Variants in CST3 observed in about 807,000 individuals in gnomAD.
CST3 encodes the protein cystatin C.
A neutral mutation model predicts 9.0 loss-of-function variants in CST3; 14 were observed. The observed-to-expected ratio is 1.56, with a 90% CI of 1.03 to 2.44. CST3 has a LOEUF of 2.44. CST3 is among the 30% of genes most tolerant of loss of function. CST3 has a pLI of 0.00. For missense variants in CST3, 237 were observed against 204.3 expected (o/e 1.16, Z -0.98); for synonymous variants, 96 against 90.2 (o/e 1.06, Z -0.37).
chr20:23,630,816 A>G (rs535872726), downstream of CST3, among the ~76,000 whole-genome samples: 1 of 152,192 alleles, frequency 6.6e-6, no homozygotes, highest in Non-Finnish European at 1.5e-5. Context: ...CTATTGAACT[A>G]TTAACTAGTC....
intron 2 of CST3, among the ~76,000 whole-genome samples, chr20:23,634,925 A>T (rs970782420): frequency 2.0e-5 from 3 of 151,456 alleles, no homozygotes; most frequent in Non-Finnish European, 4.4e-5. Context: ...CTCATAATAC[A>T]GCATGTATGT....
chr20:23,629,932 C>T (rs565067213), downstream of CST3, among the ~76,000 whole-genome samples: 5 of 152,280 alleles, frequency 3.3e-5, no homozygotes, highest in Admixed American at 1.3e-4. Flanking sequence ...AAGGAATTTC[C>T]GTTTGCTTTT....
exon 4 of CST3, chr20:23,628,318 TAA>T (rs1979326750): frequency 6.6e-6 from 1 of 152,214 alleles, no homozygotes; most frequent in Non-Finnish European, 1.5e-5. Context: ...TATATCTCAA[TAA>T]GGGAAGTTAC....
At chr20:23,632,380 C>T (rs1979480969), downstream of CST3, 1 of 152,410 alleles carries the variant, frequency 6.6e-6, no homozygotes, top group South Asian at 2.1e-4. Context: ...ACCACCACTT[C>T]TATCCCCCAA....
intron 2 of CST3, 76 bp downstream of exon 2, chr20:23,635,178 T>TGCATC (rs2122474162): frequency 8.4e-7 from 1 of 1,195,550 alleles, no homozygotes; most frequent in East Asian, 2.4e-5. Flanking sequence ...GCAGAACATG[T>TGCATC]GCATCACACA....
At position 23,637,595 on chromosome 20, in the gene CST3, G is replaced by C. The variant is rs1336040042; in HGVS notation, c.243+25C>G. The C allele has an allele frequency of 8.7e-6, 13 of 1,498,054 alleles. No individual in the cohort carries two copies. The Middle Eastern group carries it at 2.1e-3, about 245-fold the overall frequency. 92.8% of individuals were successfully genotyped at this position (1,498,054 alleles called of 1,614,324 possible). Reference sequence around the variant, plus strand: ...GCTGGGACGGCGGGGCCGGGGCTTCGGACCCTGCGGGGGGCGGCACGCACC... The same window carrying C: ...GCTGGGACGGCGGGGCCGGGGCTTCCGACCCTGCGGGGGGCGGCACGCACC... On this transcript the variant is annotated intron_variant, in intron 1 of 2. Coordinates refer to ENST00000376925, the MANE Select transcript of CST3 (RefSeq NM_000099.4).
At chr20:23,637,313 G>C (rs1411369756) in intron 1 of CST3, among the ~76,000 whole-genome samples, 2 of 152,258 alleles carry the variant, frequency 1.3e-5, no homozygotes, top group South Asian at 2.1e-4. Context: ...CAGGAGGTCG[G>C]GACAGAGCTG....
At chr20:23,630,099 CTAAT>C (rs1209062402), downstream of CST3, among the ~76,000 whole-genome samples, 1 of 152,184 alleles carries the variant, frequency 6.6e-6, no homozygotes, top group Non-Finnish European at 1.5e-5. Flanking sequence ...GACCAGGACT[CTAAT>C]TGAGTTATAG....
Position 23,637,628 on chromosome 20 carries a change from G to T in CST3, c.235C>A (p.Arg79Ser), listed in dbSNP as rs574152075. Residue 79 changes from arginine to serine, a missense_variant, in exon 1 of 3, where the codon CGC (arginine) becomes AGC (serine). Arg to Ser is a moderately radical substitution (Grantham distance 110, BLOSUM62 -1). Coordinates refer to ENST00000376925, the MANE Select transcript of CST3 (RefSeq NM_000099.4). ...CGGGGGGCGGCACGCACCTGCTTGC[G>T]GGCGCGCACCACCTGCAGCGCGCGG... ...HSRALQVVRA[R>S]KQIVAGVNYF... 1.0e-4 allele frequency: 154 copies of T among 1,519,716 alleles called. 2 individuals are homozygous for T. In the East Asian group the frequency reaches 2.9e-3, roughly 29 times the overall value. The allele number at this position is 1,519,716 out of a possible 1,614,324, so 94.1% of individuals were successfully genotyped here.
Position 23,637,646 on chromosome 20 carries a change from G to A in CST3, c.217C>T (p.Leu73=), listed in dbSNP as rs111341893. The change falls in exon 1 of 3, where the codon CTG becomes TTG. Residue 73 remains leucine, a synonymous_variant. Coordinates refer to ENST00000376925, the MANE Select transcript of CST3 (RefSeq NM_000099.4). ...TGCTTGCGGGCGCGCACCACCTGCA[G>A]CGCGCGGCTGTGGTACATGTCGTTG... ...ASNDMYHSRA[L]QVVRARKQIV... The A allele has an allele frequency of 1.2e-5, 18 of 1,527,106 alleles. No individual in the cohort carries two copies. Among genetic ancestry groups the A allele is most frequent in the Non-Finnish European group, 1.6e-5 (18 of 1,138,118 alleles). 94.6% of individuals were successfully genotyped at this position (1,527,106 alleles called of 1,614,324 possible).
chr20:23,628,883 G>T (rs1202089765), downstream of CST3: 1 of 152,244 alleles, frequency 6.6e-6, no homozygotes. Context: ...ACCAGGCCTG[G>T]TTTCCTTGCT....
downstream of CST3, among the ~76,000 whole-genome samples, chr20:23,630,113 G>A (rs1979399366): frequency 6.6e-6 from 1 of 152,220 alleles, no homozygotes; most frequent in African/African-American, 2.4e-5. Context: ...TTGAGTTATA[G>A]TCCAGTGGTT....
Position 23,637,787 on chromosome 20 carries a change from C to G in CST3, c.76G>C (p.Gly26Arg). 5.2e-6 allele frequency: 8 copies of G among 1,526,076 alleles called. No homozygotes were observed. The highest frequency in any genetic ancestry group is 7.0e-6 in the Non-Finnish European group (8 of 1,137,784). 94.5% of individuals were successfully genotyped at this position (1,526,076 alleles called of 1,614,324 possible). The stretch of plus-strand genomic sequence containing the variant: ...CGCGGCGGCTTGCCGGGACTGGAGC[C>G]GGCCGCGGGGCTCACGGCCAGGGCC... ...AVALAVSPAA[G>R]SSPGKPPRLV... Residue 26 changes from glycine (G) to arginine (R), a missense_variant, in exon 1 of 3, where the codon GGC (glycine) becomes CGC (arginine). By Grantham distance (125) the Gly-to-Arg change is moderately radical. Coordinates refer to ENST00000376925, the MANE Select transcript of CST3 (RefSeq NM_000099.4).
downstream of CST3, among the ~76,000 whole-genome samples, chr20:23,633,039 G>A (rs1397558348): frequency 1.3e-5 from 2 of 152,138 alleles, no homozygotes; most frequent in Admixed American, 6.5e-5. Context: ...ACTCTGGGAG[G>A]ACACAGCCTC....
At position 23,637,170 on chromosome 20, in the gene CST3, C is replaced by T. The variant is rs1294969734; in HGVS notation, c.243+450G>A. ...CAGCTGCTCTGTAAGTCTGAAATTA[C>T]GGGAGAATAAAAAGTTAAAAGAAAC... On this transcript the variant is annotated intron_variant, in intron 1 of 2. Coordinates refer to ENST00000376925, the MANE Select transcript of CST3 (RefSeq NM_000099.4). Among the ~76,000 whole-genome samples the T allele has an allele frequency of 4.6e-5, 7 of 152,132 alleles. No individual in the cohort carries two copies. In the South Asian group the frequency reaches 1.5e-3, roughly 32 times the overall value.
At chr20:23,635,207 C>CACA in intron 2 of CST3, 47 bp downstream of exon 2, 13 of 1,457,674 alleles carry the variant, frequency 8.9e-6, no homozygotes, top group African/African-American at 8.4e-5. Context: ...CACACACACA[C>CACA]CCCTCTGCAG....
At chr20:23,630,746 T>C (rs1979421813), downstream of CST3, among the ~76,000 whole-genome samples, 1 of 138,862 alleles carries the variant, frequency 7.2e-6, no homozygotes, top group Non-Finnish European at 1.6e-5. Context: ...TCTAAGTCCA[T>C]AAATAATAAA....
At chr20:23,627,261 T>C (rs1254502756) in exon 4 of CST3, 1 of 152,222 alleles carries the variant, frequency 6.6e-6, no homozygotes, top group Non-Finnish European at 1.5e-5. Context: ...GTATTTCATA[T>C]AAATTGAATC....
Position 23,635,371 on chromosome 20 carries a change from C to T in CST3, c.244-4G>A. On this transcript the variant is annotated splice_region_variant and splice_polypyrimidine_tract_variant and intron_variant, in intron 1 of 2. Coordinates refer to ENST00000376925, the MANE Select transcript of CST3 (RefSeq NM_000099.4). Reference sequence around the variant, plus strand: ...AGTAGTTCACCCCAGCTACGATCTACACATGTGAAAGAGCAGGAGGCAGGG... The same window carrying T: ...AGTAGTTCACCCCAGCTACGATCTATACATGTGAAAGAGCAGGAGGCAGGG... 5 of 1,613,196 alleles carry T rather than the reference C, an allele frequency of 3.1e-6. No homozygotes were observed. Among genetic ancestry groups the T allele is most frequent in the Non-Finnish European group, 4.2e-6 (5 of 1,179,408 alleles).
Sources: gnomAD v4.1 joint callset for allele counts (sites outside exome capture counted in the v4.1 genomes callset) on GRCh38, gnomAD v4.1.1 for gene constraint, MANE v1.5 for transcripts, NCBI Gene and HGNC (gene_info 2026-07-23, HGNC 2026-07-21) for gene names.